The following LMLN variants were observed in gnomAD, a reference collection of about 807,000 sequenced individuals.
LMLN encodes leishmanolysin like peptidase, also known as leishmanolysin-like peptidase.
In LMLN, 70 loss-of-function variants were observed where a neutral mutation model predicts 92.3. That is an observed-to-expected ratio of 0.76 (90% confidence interval 0.63 to 0.92). The LOEUF (loss-of-function observed/expected upper bound fraction) is 0.92. Among genes scored for constraint, LMLN ranks in the 40% least tolerant of loss-of-function variants. The pLI is 0.00. For missense variants in LMLN, 691 were observed against 814.6 expected (o/e 0.85, Z 1.85); for synonymous variants, 308 against 296.2 (o/e 1.04, Z -0.41).
chr3:197,984,910 C>T (rs1322121700), intron 7 of LMLN, among the ~76,000 whole-genome samples: 2 of 151,968 alleles, frequency 1.3e-5, no homozygotes, highest in Non-Finnish European at 2.9e-5. Flanking sequence ...CTCCCGGGCT[C>T]AAGTGATCCC....
chr3:197,976,331 G>A (rs1284188641), intron 4 of LMLN: 1 of 476,222 alleles, frequency 2.1e-6, no homozygotes, highest in African/African-American at 2.0e-5. Context: ...ATTTTTTCTG[G>A]GTGTAGTTGT....
intron 1 of LMLN, 131 bp from the exon 2 acceptor site, chr3:197,974,246 A>G (rs1429430467): frequency 1.5e-5 from 9 of 606,152 alleles, no homozygotes; most frequent in Non-Finnish European, 2.0e-5. Context: ...ATGCTGACAC[A>G]GTGGAATATG....
chr3:197,997,001 T>TTTTCTTTTCTTTTCC (rs1459193423), intron 10 of LMLN, among the ~76,000 whole-genome samples: 1 of 149,360 alleles, frequency 6.7e-6, no homozygotes, highest in African/African-American at 2.6e-5. Context: ...GTTTTTTTTC[T>TTTTCTTTTCTTTTCC]TTTCTTTTCT....
intron 8 of LMLN, among the ~76,000 whole-genome samples, chr3:197,987,892 CATT>C (rs141815450): frequency 0.04 from 6,042 of 152,132 alleles, 126 homozygotes; most frequent in Non-Finnish European, 0.043. Context: ...GATGGTATCT[CATT>C]GTTGTATTTC....
chr3:197,993,037 C>T (rs116284294), intron 9 of LMLN, among the ~76,000 whole-genome samples: 56 of 152,158 alleles, frequency 3.7e-4, no homozygotes, highest in African/African-American at 1.2e-3. Flanking sequence ...AAAAACCATA[C>T]GATCATCTCA....
intron 6 of LMLN, among the ~76,000 whole-genome samples, chr3:197,983,599 C>T (rs552826358): frequency 1.3e-5 from 2 of 152,096 alleles, no homozygotes; most frequent in Admixed American, 6.5e-5. Flanking sequence ...TCTCTGTGCC[C>T]GTAGATATAC....
chr3:198,030,017 T>A (rs1394853894), intron 14 of LMLN, among the ~76,000 whole-genome samples: 1 of 151,918 alleles, frequency 6.6e-6, no homozygotes, highest in African/African-American at 2.4e-5. Flanking sequence ...TGTTTTTTTT[T>A]ATTTTTAGTA....
chr3:197,994,767 T>A (rs1721971208), intron 9 of LMLN: 1 of 152,132 alleles, frequency 6.6e-6, no homozygotes, highest in Non-Finnish European at 1.5e-5. Context: ...GGAGATAGTA[T>A]AAATTAGTAC....
At chr3:198,000,928 ATTTTTAG>A (rs1321134367) in intron 11 of LMLN, among the ~76,000 whole-genome samples, 1 of 150,010 alleles carries the variant, frequency 6.7e-6, no homozygotes, top group African/African-American at 2.5e-5. Flanking sequence ...ATTTTTTTTT[ATTTTTAG>A]TTTTTAGTTT....
chr3:197,977,104 G>T (rs777054310), intron 5 of LMLN, among the ~76,000 whole-genome samples: 5 of 152,110 alleles, frequency 3.3e-5, no homozygotes, highest in Non-Finnish European at 7.4e-5. Context: ...AATACTAATG[G>T]CTACGTAATA....
chr3:197,960,912 T>C (rs1452358968), intron 1 of LMLN, among the ~76,000 whole-genome samples: 6 of 152,128 alleles, frequency 3.9e-5, no homozygotes, highest in Non-Finnish European at 5.9e-5. Context: ...GAGGCGTTGG[T>C]GGGACGTTGG....
chr3:198,009,110 GT>G (rs1462314118), intron 11 of LMLN, among the ~76,000 whole-genome samples: 2 of 152,112 alleles, frequency 1.3e-5, no homozygotes, highest in Admixed American at 6.5e-5. Flanking sequence ...GTTGTCTGCT[GT>G]TTTTGGTTGA....
At chr3:197,997,321 G>T (rs1291806913) in intron 10 of LMLN, among the ~76,000 whole-genome samples, 1 of 152,054 alleles carries the variant, frequency 6.6e-6, no homozygotes, top group African/African-American at 2.4e-5. Flanking sequence ...TTTCAGTAGA[G>T]ATGGGTTTCA....
intron 9 of LMLN, among the ~76,000 whole-genome samples, chr3:197,991,321 G>C (rs1177496866): frequency 1.3e-5 from 2 of 151,980 alleles, no homozygotes; most frequent in Non-Finnish European, 2.9e-5. Flanking sequence ...GCCCAGGCTG[G>C]TCTCGATCTC....
exon 2 of LMLN, chr3:197,974,426 T>C (rs531183531): frequency 1.3e-6 from 2 of 1,596,786 alleles, no homozygotes; most frequent in South Asian, 1.1e-5. Flanking sequence ...AAGAGAGATG[T>C]TGATGAGCAT....
chr3:198,034,615 A>C (rs1723161809), intron 14 of LMLN, among the ~76,000 whole-genome samples: 1 of 152,204 alleles, frequency 6.6e-6, no homozygotes, highest in Non-Finnish European at 1.5e-5. Context: ...GGTCTAAAAA[A>C]AATAAATAAA....
chr3:197,996,443 T>C (rs1722019817), intron 10 of LMLN, 161 bp downstream of exon 10: 1 of 475,456 alleles, frequency 2.1e-6, no homozygotes, highest in Admixed American at 4.0e-5. Flanking sequence ...CCTTACTTTT[T>C]TTGTATATAC....
At chr3:197,991,530 G>C (rs768951385) in intron 9 of LMLN, among the ~76,000 whole-genome samples, 57 of 152,268 alleles carry the variant, frequency 3.7e-4, no homozygotes, top group Non-Finnish European at 6.9e-4. Flanking sequence ...AAGGCAGAAT[G>C]ACTTCTTATT....
intron 11 of LMLN, among the ~76,000 whole-genome samples, chr3:198,008,251 A>T (rs1217701398): frequency 6.6e-6 from 1 of 152,196 alleles, no homozygotes; most frequent in Non-Finnish European, 1.5e-5. Flanking sequence ...GAACAATTAT[A>T]TTATGTCAGT....
Sources: allele counts gnomAD v4.1 joint callset (sites outside exome capture counted in the v4.1 genomes callset), GRCh38; gene constraint gnomAD v4.1.1; transcripts MANE v1.5; gene names NCBI Gene and HGNC (gene_info 2026-07-23, HGNC 2026-07-21).